Variants in CCNC observed in about 807,000 individuals in gnomAD.
CCNC encodes cyclin-C.
A neutral mutation model predicts 50.0 loss-of-function variants in CCNC; 19 were observed. The observed-to-expected ratio is 0.38, with a 90% CI of 0.27 to 0.56. The LOEUF (loss-of-function observed/expected upper bound fraction) is 0.56, where lower values mean the gene tolerates loss of function less well. Ranked by LOEUF, CCNC falls within the 20% of genes least tolerant of loss-of-function variation. CCNC has a pLI of 0.72. For missense variants in CCNC, 200 were observed against 327.1 expected, an observed-to-expected ratio of 0.61 and a Z score of 3.00; for synonymous variants, 93 against 103.7, an observed-to-expected ratio of 0.90 and a Z score of 0.63.
intron 6 of CCNC, 55 bp from the exon 7 acceptor site, chr6:99,551,083 G>A (rs562642599): frequency 3.3e-6 from 3 of 895,896 alleles, no homozygotes; most frequent in East Asian, 6.8e-5. Context: ...AATTAGATAA[G>A]TCCACTTAAT....
intron 10 of CCNC, 119 bp from the exon 11 acceptor site, chr6:99,545,349 T>A: frequency 5.0e-6 from 3 of 605,450 alleles, no homozygotes; most frequent in Non-Finnish European, 8.8e-6. Flanking sequence ...CCTTAAATCC[T>A]GATAAATTTG....
intron 11 of CCNC, chr6:99,544,377 G>T: frequency 1.1e-6 from 1 of 947,616 alleles, no homozygotes; most frequent in Non-Finnish European, 1.6e-6. Context: ...CTTATGAGTA[G>T]CAATCCATAA....
intron 7 of CCNC, 135 bp downstream of exon 7, chr6:99,550,858 C>A: frequency 2.5e-6 from 1 of 392,370 alleles, no homozygotes; most frequent in Non-Finnish European, 4.5e-6. Context: ...TATAAATAGG[C>A]TACCATGATT....
At chr6:99,568,790 C>G, upstream of CCNC, 2 of 1,116,688 alleles carry the variant, frequency 1.8e-6, no homozygotes, top group Non-Finnish European at 2.4e-6. Flanking sequence ...AGGTGCTGAC[C>G]CTTGGAGGTG....
Position 99,544,264 on chromosome 6 carries a change from C to T in CCNC, c.798-655G>A, listed in dbSNP as rs1283185431. 2.6e-6 allele frequency: 4 copies of T among 1,534,860 alleles called. No individual in the cohort carries two copies. In the African/African-American group the frequency reaches 5.5e-5, roughly 21 times the overall value. ...GCCCTGCCACTAGTGGAGAATCACT[C>T]AGGGAATTTCTGCAAAAAATGCATC... On this transcript the variant is annotated intron_variant, in intron 11 of 11. Transcript: ENST00000520429.
intron 5 of CCNC, among the ~76,000 whole-genome samples, chr6:99,556,130 GGTAA>G (rs1802500548): frequency 1.3e-5 from 2 of 152,064 alleles, no homozygotes; most frequent in East Asian, 1.9e-4. Flanking sequence ...AGCACCCTGT[GGTAA>G]GTGACAGCAC....
intron 5 of CCNC, among the ~76,000 whole-genome samples, chr6:99,553,062 T>A (rs1243804325): frequency 2.0e-4 from 30 of 151,810 alleles, no homozygotes; most frequent in Non-Finnish European, 1.6e-4. Flanking sequence ...AGAAAGAAAT[T>A]CCATTTCTTC....
intron 6 of CCNC, among the ~76,000 whole-genome samples, chr6:99,551,388 T>C (rs1802291535): frequency 6.6e-6 from 1 of 152,112 alleles, no homozygotes; most frequent in Non-Finnish European, 1.5e-5. Flanking sequence ...ATTTAAAAAA[T>C]GTAACTTAAA....
intron 4 of CCNC, among the ~76,000 whole-genome samples, chr6:99,560,045 C>G (rs1191407684): frequency 6.6e-6 from 1 of 152,000 alleles, no homozygotes; most frequent in Non-Finnish European, 1.5e-5. Context: ...ATCCAAAACT[C>G]AAAGGGAAAA....
At chr6:99,562,799 GTAACCAACTA>G in intron 2 of CCNC, 33 bp downstream of exon 2, 1 of 1,105,202 alleles carries the variant, frequency 9.0e-7, no homozygotes, top group Non-Finnish European at 1.3e-6. Flanking sequence ...TTATTCAGAG[GTAACCAACTA>G]TACAATTTGA....
intron 11 of CCNC, chr6:99,543,845 A>C: frequency 5.1e-6 from 7 of 1,359,890 alleles, no homozygotes; most frequent in Non-Finnish European, 6.6e-6. Flanking sequence ...TCTGGAAGTT[A>C]GTGTCCATAT....
At chr6:99,550,453 G>A (rs888593271) in intron 7 of CCNC, 144 bp from the exon 8 acceptor site, 3 of 620,642 alleles carry the variant, frequency 4.8e-6, no homozygotes, top group Non-Finnish European at 8.5e-6. Context: ...ATTCTCTTAA[G>A]CTAGCAGTAT....
chr6:99,554,960 G>A (rs114468587), intron 5 of CCNC, among the ~76,000 whole-genome samples: 171 of 152,168 alleles, frequency 1.1e-3, no homozygotes, highest in African/African-American at 3.9e-3. Context: ...CATCTATATT[G>A]TATTAAGGTA....
intron 5 of CCNC, among the ~76,000 whole-genome samples, chr6:99,555,645 T>G (rs1273932267): frequency 6.6e-6 from 1 of 152,090 alleles, no homozygotes; most frequent in African/African-American, 2.4e-5. Context: ...TCTTGCTATG[T>G]TGTCCAGGCT....
At chr6:99,558,339 T>C (rs1802627862) in intron 5 of CCNC, 158 bp downstream of exon 5, 1 of 1,103,842 alleles carries the variant, frequency 9.1e-7, no homozygotes, top group Non-Finnish European at 1.2e-6. Flanking sequence ...TTTAGCTTGA[T>C]TTTTTTGCCA....
chr6:99,556,554 C>T (rs1802516763), intron 5 of CCNC, among the ~76,000 whole-genome samples: 2 of 152,318 alleles, frequency 1.3e-5, no homozygotes, highest in East Asian at 3.9e-4. Flanking sequence ...CACAGTGGCT[C>T]ACGCCTGTAA....
At chr6:99,567,526 G>T (rs956876728) in intron 1 of CCNC, among the ~76,000 whole-genome samples, 3 of 151,912 alleles carry the variant, frequency 2.0e-5, no homozygotes, top group Non-Finnish European at 4.4e-5. Context: ...TCCTTAAATA[G>T]GTTACTGAGT....
At chr6:99,557,169 T>C (rs1183476872) in intron 5 of CCNC, 2 of 152,232 alleles carry the variant, frequency 1.3e-5, no homozygotes, top group African/African-American at 4.8e-5. Context: ...TCTGGATTCA[T>C]GAAACAATCT....
At position 99,547,156 on chromosome 6, in the gene CCNC, A is replaced by C. The variant is rs1802102325; in HGVS notation, c.599-682T>G. On this transcript the variant is annotated intron_variant, in intron 9 of 11. Transcript: ENST00000520429. ...TGAGCAGCCTGTATACCCTTAACCC[A>C]CTCCAGCTTAAGTTATACTCCGTGG... Among the ~76,000 whole-genome samples the C allele has an allele frequency of 2.6e-5, 4 of 151,934 alleles. 1 individual carries two copies. In the South Asian group the frequency reaches 8.3e-4, roughly 32 times the overall value.
Sources: gnomAD v4.1 joint callset for allele counts (sites outside exome capture counted in the v4.1 genomes callset) on GRCh38, gnomAD v4.1.1 for gene constraint, MANE v1.5 for transcripts, NCBI Gene and HGNC (gene_info 2026-07-23, HGNC 2026-07-21) for gene names.